Variants in LPCAT1 observed in about 807,000 individuals in gnomAD.
LPCAT1 encodes the protein lysophosphatidylcholine acyltransferase 1, also known as 1-acylglycerol-3-phosphate O-acyltransferase.
A neutral mutation model predicts 60.9 loss-of-function variants in LPCAT1; 23 were observed. That is an observed-to-expected ratio of 0.38 (90% CI 0.27 to 0.53). The LOEUF is 0.53. LPCAT1 is among the 20% of genes least tolerant of loss of function. The pLI, the probability that LPCAT1 is intolerant of heterozygous loss-of-function variation, is 0.82. For missense variants in LPCAT1, 622 were observed against 723.6 expected (o/e 0.86, Z 1.61); for synonymous variants, 340 against 301.1 (o/e 1.13, Z -1.34).
intron 11 of LPCAT1, 142 bp downstream of exon 11, chr5:1,473,815 T>C (rs1489385175): frequency 8.7e-6 from 8 of 922,770 alleles, no homozygotes; most frequent in South Asian, 5.4e-5. Flanking sequence ...CTCAAAATGA[T>C]AGGGTGGGGT....
chr5:1,493,692 G>A (rs1050996268), intron 3 of LPCAT1, among the ~76,000 whole-genome samples: 4 of 152,234 alleles, frequency 2.6e-5, no homozygotes, highest in Non-Finnish European at 5.9e-5. Flanking sequence ...CAGAGCTCTG[G>A]TGGGTCAGGG....
intron 9 of LPCAT1, among the ~76,000 whole-genome samples, chr5:1,475,444 G>T (rs904004778): frequency 6.6e-6 from 1 of 152,170 alleles, no homozygotes; most frequent in Non-Finnish European, 1.5e-5. Flanking sequence ...GGCCATCCCC[G>T]GCCTCTCCTG....
At chr5:1,464,895 A>G (rs1002711704) in intron 13 of LPCAT1, among the ~76,000 whole-genome samples, 4 of 143,232 alleles carry the variant, frequency 2.8e-5, no homozygotes, top group Non-Finnish European at 4.7e-5. Context: ...AAGTGCACAC[A>G]CACACTAACT....
Position 1,480,877 on chromosome 5 carries a change from C to T in LPCAT1, c.761+65G>A. The T allele has an allele frequency of 1.3e-5, 20 of 1,589,940 alleles. No individual in the cohort carries two copies. The highest frequency in any genetic ancestry group is 1.7e-5 in the Non-Finnish European group (20 of 1,158,490). On this transcript the variant is annotated intron_variant, in intron 7 of 13. Transcript: ENST00000283415. This position sits in a 1 kb window ranked among gnomAD's most constrained non-coding sequence, Gnocchi z 6.4. ...AAAGTAACTAGCGTGCACAGCAGAC[C>T]CCAAGCAGCCCCTACGTGTTCATGG...
intron 2 of LPCAT1, among the ~76,000 whole-genome samples, chr5:1,501,128 G>A (rs1208338967): frequency 6.6e-6 from 1 of 152,228 alleles, no homozygotes; most frequent in Non-Finnish European, 1.5e-5. Context: ...ACTTTCGTCA[G>A]CAACAGGGAG....
In LPCAT1 at chr5:1,477,316, A is replaced by G. The variant is rs1734958234; in HGVS notation, c.899+88T>C. 3.7e-6 allele frequency: 4 copies of G among 1,095,350 alleles called. No homozygotes were observed. The Admixed American group carries it at 8.0e-5, about 22-fold the overall frequency. The allele number at this position is 1,095,350 out of a possible 1,614,324, so 67.9% of individuals were successfully genotyped here. A position where few individuals can be genotyped will look rare whatever the true frequency, so the allele number is the denominator to read the frequency against. ...CACTTCTGCAAGAATGCCTTTTCCTAACGCTGTTGCCTATTTTAAATATAC... is the reference window on the plus strand; with the variant it reads ...CACTTCTGCAAGAATGCCTTTTCCTGACGCTGTTGCCTATTTTAAATATAC... On this transcript the variant is annotated intron_variant, in intron 9 of 13. Transcript: ENST00000283415. This position sits in a 1 kb window ranked among gnomAD's most constrained non-coding sequence, Gnocchi z 6.0.
chr5:1,503,136 T>C (rs910812829), intron 1 of LPCAT1, among the ~76,000 whole-genome samples: 2 of 152,178 alleles, frequency 1.3e-5, no homozygotes, highest in Non-Finnish European at 2.9e-5. Context: ...TAGATGATGT[T>C]TGGTTTGCGA....
chr5:1,504,980 ACGC>A, intron 1 of LPCAT1, among the ~76,000 whole-genome samples: 3 of 150,582 alleles, frequency 2.0e-5, no homozygotes, highest in African/African-American at 2.4e-5. Flanking sequence ...ACAGTAACCC[ACGC>A]TGTTCCTGAA....
chr5:1,466,645 G>A, intron 13 of LPCAT1, 104 bp downstream of exon 13: 1 of 1,275,204 alleles, frequency 7.8e-7, no homozygotes, highest in Non-Finnish European at 1.1e-6. Context: ...TGGAGGCATG[G>A]CGGGGACTCC....
chr5:1,491,296 G>A (rs1735571285), intron 3 of LPCAT1, among the ~76,000 whole-genome samples: 2 of 100,552 alleles, frequency 2.0e-5, no homozygotes, highest in South Asian at 6.8e-4. Flanking sequence ...GTGGTCTTTC[G>A]GTGCCCACTG....
intron 12 of LPCAT1, among the ~76,000 whole-genome samples, chr5:1,468,024 T>C (rs927434054): frequency 1.3e-5 from 2 of 151,792 alleles, no homozygotes; most frequent in Non-Finnish European, 2.9e-5. Flanking sequence ...GGGCGTCGCC[T>C]CTCTTCAGGG....
chr5:1,500,731 G>C (rs1735973353), intron 2 of LPCAT1, among the ~76,000 whole-genome samples: 1 of 152,248 alleles, frequency 6.6e-6, no homozygotes. Flanking sequence ...CAAGTCACTG[G>C]GCCTTTATGA....
In LPCAT1 at chr5:1,480,609, C is replaced by T. The variant is rs1735100764; in HGVS notation, c.761+333G>A. 6.6e-6 allele frequency among the ~76,000 whole-genome samples: 1 copy of T among 152,158 alleles called. No individual in the cohort carries two copies. The highest frequency in any genetic ancestry group is 6.5e-5 in the Admixed American group (1 of 15,278). Reference sequence around the variant, plus strand: ...TCTCTGTGCCTGTGCAGACGGGGTCCCCCCAGACACCCCTAAATCTCCACT... The same window carrying T: ...TCTCTGTGCCTGTGCAGACGGGGTCTCCCCAGACACCCCTAAATCTCCACT... On this transcript the variant is annotated intron_variant, in intron 7 of 13. Coordinates refer to ENST00000283415, the MANE Select transcript of LPCAT1 (RefSeq NM_024830.5). The surrounding 1 kb of genome is among the most constrained non-coding windows in gnomAD (Gnocchi z 6.4).
chr5:1,516,932 T>G (rs1736522477), intron 1 of LPCAT1, among the ~76,000 whole-genome samples: 3 of 152,244 alleles, frequency 2.0e-5, no homozygotes, highest in Admixed American at 1.3e-4. Context: ...AAGCTCATGC[T>G]GCTGGCACAT....
chr5:1,499,857 G>A (rs974751097), intron 2 of LPCAT1, among the ~76,000 whole-genome samples: 3 of 152,248 alleles, frequency 2.0e-5, no homozygotes, highest in South Asian at 2.1e-4. Context: ...AAGGAGAACC[G>A]AAGCTCAGGC....
rs1486303933 is a variant in LPCAT1 at position 1,487,527 on chromosome 5, G to A, written c.667+864C>T. Among the ~76,000 whole-genome samples the A allele has an allele frequency of 1.3e-5, 2 of 152,088 alleles. No homozygotes were observed. The highest frequency in any genetic ancestry group is 2.1e-4 in the South Asian group (1 of 4,828). On this transcript the variant is annotated intron_variant, in intron 5 of 13. Transcript: ENST00000283415. The surrounding 1 kb of genome is among the most constrained non-coding windows in gnomAD (Gnocchi z 6.1). ...TGGCCACAGGCTCGGAAACCCCGGC[G>A]GCACACGTAGGTGAGTGACTGCACA...
At chr5:1,494,597 C>T in intron 3 of LPCAT1, 103 bp downstream of exon 3, 1 of 1,109,354 alleles carries the variant, frequency 9.0e-7, no homozygotes, top group Non-Finnish European at 1.3e-6. Context: ...AGGGGGGACC[C>T]TCACTCCCAG....
Position 1,474,116 on chromosome 5 carries a change from CA to C in LPCAT1, c.1026-7del, listed in dbSNP as rs771846188. On this transcript the variant is annotated splice_polypyrimidine_tract_variant and splice_region_variant and intron_variant, in intron 10 of 13. Coordinates refer to ENST00000283415, the MANE Select transcript of LPCAT1 (RefSeq NM_024830.5). ...CAAGCTTTTCTGGTTTTAGCCTAGA[CA>C]AAAAAAGAGGGAAAGCTTTCTTTTT... 1 of 1,601,804 alleles carries C rather than the reference CA, an allele frequency of 6.2e-7. No homozygotes were observed. Among genetic ancestry groups the C allele is most frequent in the Non-Finnish European group, 8.5e-7 (1 of 1,174,828 alleles).
rs1225906764 is a variant in LPCAT1, at chr5:1,521,492, T to C, written c.135+2218A>G. The C allele has an allele frequency of 2.0e-6, 2 of 985,160 alleles. No individual in the cohort carries two copies. Among genetic ancestry groups the C allele is most frequent in the Non-Finnish European group, 2.4e-6 (2 of 829,786 alleles). 61.0% of individuals were successfully genotyped at this position (985,160 alleles called of 1,614,324 possible). A position where few individuals can be genotyped will look rare whatever the true frequency, so the allele number is the denominator to read the frequency against. ...TCACTCTGTGGAAACTTTACAAGAATATATCACATCAAAGTAAAAGCTTTG... is the reference window on the plus strand; with the variant it reads ...TCACTCTGTGGAAACTTTACAAGAACATATCACATCAAAGTAAAAGCTTTG... On this transcript the variant is annotated intron_variant, in intron 1 of 13. Transcript: ENST00000283415. The surrounding 1 kb of genome is among the most constrained non-coding windows in gnomAD (Gnocchi z 4.3).
Sources: gnomAD v4.1 joint callset for allele counts (sites outside exome capture counted in the v4.1 genomes callset) on GRCh38, gnomAD v4.1.1 for gene constraint, Gnocchi (gnomAD v3.1) non-coding constraint, MANE v1.5 for transcripts, NCBI Gene and HGNC (gene_info 2026-07-23, HGNC 2026-07-21) for gene names.